NOS1: variants seen among roughly 807,000 people sequenced by gnomAD.
NOS1 encodes the protein NOS type I.
Under a neutral mutation model 164.5 loss-of-function variants are expected in NOS1, and 51 were observed. The ratio of observed to expected loss-of-function variants is 0.31; its 90% confidence interval spans 0.25 to 0.39. NOS1 has a LOEUF of 0.39. NOS1 is among the 10% of genes least tolerant of loss of function. NOS1 has a pLI of 1.00. For missense variants in NOS1, 1,362 were observed against 1,885.6 expected, an observed-to-expected ratio of 0.72 and a Z score of 5.14; for synonymous variants, 719 against 745.8, an observed-to-expected ratio of 0.96 and a Z score of 0.59.
intron 3 of NOS1, among the ~76,000 whole-genome samples, chr12:117,307,968 C>T (rs569571209): frequency 2.0e-5 from 3 of 150,214 alleles, no homozygotes; most frequent in South Asian, 4.3e-4. Context: ...TGAGCAGAGA[C>T]AGCACCAGAG....
rs995332775 is a variant in NOS1 at position 117,209,722 on chromosome 12, C to T, written c.*5587G>A. The T allele has an allele frequency of 2.1e-5, 21 of 985,350 alleles. No homozygotes were observed. The highest frequency in any genetic ancestry group is 9.4e-5 in the South Asian group (2 of 21,296). 61.0% of individuals were successfully genotyped at this position (985,350 alleles called of 1,614,324 possible). A position where few individuals can be genotyped will look rare whatever the true frequency, so the allele number is the denominator to read the frequency against. On this transcript the variant is annotated 3_prime_UTR_variant, in exon 29 of 29. Transcript: ENST00000317775. ...GACTCTCGACAGACACTGCTTTCCA[C>T]GGGTGAAAGTGTACCTGGGTCCTTA... is the stretch of plus-strand genomic sequence containing the variant.
chr12:117,343,067 G>A (rs920870512), intron 1 of NOS1, among the ~76,000 whole-genome samples: 1 of 152,008 alleles, frequency 6.6e-6, no homozygotes, highest in Non-Finnish European at 1.5e-5. Flanking sequence ...AGGGCTGGAT[G>A]CCTGTAATCC....
chr12:117,270,719 C>T (rs776343028), intron 10 of NOS1, among the ~76,000 whole-genome samples: 1 of 152,026 alleles, frequency 6.6e-6, no homozygotes, highest in African/African-American at 2.4e-5. Context: ...TTTTTTCCTT[C>T]CTGCTAGAAG....
Position 117,208,780 on chromosome 12 carries a change from T to G in NOS1, c.*6529A>C. The G allele has an allele frequency of 1.0e-6, 1 of 969,692 alleles. No homozygotes were observed. Among genetic ancestry groups the G allele is most frequent in the Non-Finnish European group, 1.2e-6 (1 of 816,608 alleles). 60.1% of individuals were successfully genotyped at this position (969,692 alleles called of 1,614,324 possible). On this transcript the variant is annotated 3_prime_UTR_variant, in exon 29 of 29. Coordinates refer to ENST00000317775, the MANE Select transcript of NOS1 (RefSeq NM_000620.5). ...ATTCTGTCAACAAGCTGGAGTGCAGTGGTGCCATCTCGGCTCACTGCAGCC... is the reference window on the plus strand; with the variant it reads ...ATTCTGTCAACAAGCTGGAGTGCAGGGGTGCCATCTCGGCTCACTGCAGCC...
At chr12:117,253,607 T>TGACCCCC (rs750707067) in intron 17 of NOS1, 31 bp downstream of exon 17, 44 of 1,508,264 alleles carry the variant, frequency 2.9e-5, no homozygotes, top group Non-Finnish European at 4.0e-5. Flanking sequence ...TAGTCTTCCC[T>TGACCCCC]GACCCCCGAC....
chr12:117,354,208 G>A (rs1190908972), intron 1 of NOS1, among the ~76,000 whole-genome samples: 2 of 150,180 alleles, frequency 1.3e-5, no homozygotes, highest in African/African-American at 2.5e-5. Context: ...AGCTGGAAGC[G>A]AAAATATTTA....
At chr12:117,332,786 A>G (rs996231013) in intron 1 of NOS1, among the ~76,000 whole-genome samples, 13 of 152,206 alleles carry the variant, frequency 8.5e-5, no homozygotes, top group South Asian at 2.1e-4. Context: ...AATCGCTTGA[A>G]CCAAGGAGGC....
intron 3 of NOS1, among the ~76,000 whole-genome samples, chr12:117,309,830 T>C (rs571482696): frequency 1.1e-4 from 16 of 152,330 alleles, no homozygotes; most frequent in African/African-American, 3.8e-4. Flanking sequence ...ATCCAACCAC[T>C]ATGGCAAGTA....
At chr12:117,221,622 T>A (rs934356343) in intron 26 of NOS1, among the ~76,000 whole-genome samples, 1 of 151,474 alleles carries the variant, frequency 6.6e-6, no homozygotes, top group Admixed American at 6.6e-5. Context: ...TAAATATTTT[T>A]AATTTTTATT....
intron 2 of NOS1, among the ~76,000 whole-genome samples, chr12:117,321,285 C>T (rs901544102): frequency 2.6e-4 from 39 of 152,220 alleles, no homozygotes; most frequent in Non-Finnish European, 5.7e-4. Flanking sequence ...GCTGGGATTA[C>T]AGGCGTGGGC....
At chr12:117,239,815 T>A (rs1240688875) in intron 20 of NOS1, among the ~76,000 whole-genome samples, 3 of 152,194 alleles carry the variant, frequency 2.0e-5, no homozygotes, top group Non-Finnish European at 4.4e-5. Flanking sequence ...ACATACTTTT[T>A]AAGAGATAAA....
intron 9 of NOS1, among the ~76,000 whole-genome samples, chr12:117,276,834 T>C (rs1305774203): frequency 2.6e-5 from 4 of 152,238 alleles, no homozygotes; most frequent in Non-Finnish European, 4.4e-5. Context: ...TGCAGCTGTA[T>C]AGTACTTCAT....
intron 20 of NOS1, among the ~76,000 whole-genome samples, chr12:117,235,564 G>C (rs1328701431): frequency 6.6e-6 from 1 of 152,080 alleles, no homozygotes; most frequent in Non-Finnish European, 1.5e-5. Context: ...TTCCTCCTAT[G>C]CATAAATTCA....
intron 7 of NOS1, among the ~76,000 whole-genome samples, chr12:117,282,531 C>G (rs1466987703): frequency 6.6e-6 from 1 of 152,228 alleles, no homozygotes; most frequent in East Asian, 1.9e-4. Context: ...CCTGTCTCAT[C>G]TAGTTTCATA....
chr12:117,342,920 G>A (rs1274602611), intron 1 of NOS1, among the ~76,000 whole-genome samples: 1 of 152,076 alleles, frequency 6.6e-6, no homozygotes, highest in African/African-American at 2.4e-5. Context: ...AAGATTTGGT[G>A]ACTAATTGGA....
At chr12:117,271,677 T>C (rs1015962521) in intron 10 of NOS1, among the ~76,000 whole-genome samples, 1 of 152,212 alleles carries the variant, frequency 6.6e-6, no homozygotes, top group Non-Finnish European at 1.5e-5. Context: ...GCTTAACTTC[T>C]CTGTTTCTCA....
intron 1 of NOS1, among the ~76,000 whole-genome samples, chr12:117,343,980 A>T (rs1428997287): frequency 1.3e-5 from 2 of 152,260 alleles, no homozygotes; most frequent in Non-Finnish European, 2.9e-5. Flanking sequence ...GAAAACATAA[A>T]CTACAATGGC....
chr12:117,341,442 A>T (rs1876108542), intron 1 of NOS1, among the ~76,000 whole-genome samples: 1 of 152,226 alleles, frequency 6.6e-6, no homozygotes, highest in South Asian at 2.1e-4. Flanking sequence ...TCCCGATGTT[A>T]GAATAGATCT....
intron 8 of NOS1, among the ~76,000 whole-genome samples, chr12:117,279,866 G>C (rs951832777): frequency 6.6e-6 from 1 of 152,200 alleles, no homozygotes; most frequent in Non-Finnish European, 1.5e-5. Context: ...CATAAGAAAA[G>C]CCACATGCAA....
Sources: allele counts gnomAD v4.1 joint callset (sites outside exome capture counted in the v4.1 genomes callset), GRCh38; gene constraint gnomAD v4.1.1; transcripts MANE v1.5; gene names NCBI Gene and HGNC (gene_info 2026-07-23, HGNC 2026-07-21).